CSF2RB: variants seen among roughly 807,000 people sequenced by gnomAD.
CSF2RB encodes the protein colony stimulating factor 2 receptor subunit beta.
CSF2RB carries 22 observed loss-of-function variants against 67.2 expected under a neutral mutation model. The observed-to-expected ratio is 0.33, with a 90% CI of 0.23 to 0.47. CSF2RB has a LOEUF of 0.47. Among genes scored for constraint, CSF2RB ranks in the 20% least tolerant of loss-of-function variants. The probability of loss-of-function intolerance (pLI) is 1.00; values close to 1 mark genes in which losing one functional copy is unlikely to be tolerated. For missense variants in CSF2RB, 1,113 were observed against 1,174.5 expected (o/e 0.95, Z 0.76); for synonymous variants, 507 against 482.9 (o/e 1.05, Z -0.65).
At chr22:36,920,554 A>T (rs943414228) in intron 1 of CSF2RB, among the ~76,000 whole-genome samples, 1 of 152,230 alleles carries the variant, frequency 6.6e-6, no homozygotes, top group Non-Finnish European at 1.5e-5. Context: ...AAGCCACTCC[A>T]TCTATGGTAT....
intron 8 of CSF2RB, 38 bp downstream of exon 8, chr22:36,930,868 G>A (rs746813276): frequency 3.1e-6 from 5 of 1,610,888 alleles, no homozygotes; most frequent in Admixed American, 1.7e-5. Flanking sequence ...GATGGTCTGG[G>A]ACCAGCACAC....
chr22:36,914,380 T>C (rs2145759929), intron 1 of CSF2RB, among the ~76,000 whole-genome samples: 1 of 142,788 alleles, frequency 7.0e-6, no homozygotes, highest in South Asian at 2.3e-4. Context: ...TACCAGGCAC[T>C]ATCCAGCAAT....
chr22:36,919,008 A>T (rs1940788170), intron 1 of CSF2RB, among the ~76,000 whole-genome samples: 1 of 152,256 alleles, frequency 6.6e-6, no homozygotes, highest in African/African-American at 2.4e-5. Context: ...GCCATTGAGC[A>T]GCCTTTTTTG....
rs556285139 is a variant in CSF2RB, at chr22:36,922,375, G to A, written c.76+92G>A. 2.7e-4 allele frequency: 345 copies of A among 1,265,686 alleles called. 3 individuals carry two copies. The East Asian group carries it at 7.2e-3, about 26-fold the overall frequency. The allele number at this position is 1,265,686 out of a possible 1,614,324, so 78.4% of individuals were successfully genotyped here. On this transcript the variant is annotated intron_variant, in intron 2 of 13. Transcript: ENST00000403662. ...GCAGCGTATCCTCAGGATCCTGCCC[G>A]CCAGCCCTCCTCCTGCTCCCCTCCC... is the stretch of plus-strand genomic sequence containing the variant.
intron 1 of CSF2RB, among the ~76,000 whole-genome samples, chr22:36,914,042 A>AAGAT (rs1323193746): frequency 6.6e-6 from 1 of 151,992 alleles, no homozygotes; most frequent in Non-Finnish European, 1.5e-5. Context: ...CTTTGTCACT[A>AAGAT]AGATGCTGGT....
chr22:36,929,357 C>A (rs765958619), intron 4 of CSF2RB, 45 bp from the exon 5 acceptor site: 2 of 1,613,896 alleles, frequency 1.2e-6, no homozygotes, highest in South Asian at 1.1e-5. Flanking sequence ...CTGACTGCCC[C>A]CCAGCGGTCC....
intron 1 of CSF2RB, among the ~76,000 whole-genome samples, chr22:36,914,308 C>T (rs536644992): frequency 2.6e-5 from 4 of 152,102 alleles, no homozygotes; most frequent in African/African-American, 4.8e-5. Flanking sequence ...GAGCTGGGTG[C>T]GGTGTGGCTT....
In CSF2RB at chr22:36,937,592, G is replaced by A. The variant is rs763530275; in HGVS notation, c.1784G>A (p.Gly595Glu). 4 of 1,596,700 alleles carry A rather than the reference G, an allele frequency of 2.5e-6. No homozygotes were observed. The highest frequency in any genetic ancestry group is 1.3e-5 in the African/African-American group (1 of 74,554). ...SSFDFNGPYL[G>E]PPHSRSLPDI... ...TTTGACTTCAATGGGCCCTACCTGG[G>A]GCCGCCCCACAGCCGCTCCCTACCT... is the stretch of plus-strand genomic sequence containing the variant. The change falls in exon 14 of 14, where the codon GGG (glycine) becomes GAG (glutamate). Residue 595 changes from glycine (G) to glutamate (E), a missense_variant. By Grantham distance (98) the Gly-to-Glu change is moderately conservative. Coordinates refer to ENST00000403662, the MANE Select transcript of CSF2RB (RefSeq NM_000395.3). The surrounding 1 kb of genome is among the most constrained non-coding windows in gnomAD (Gnocchi z 4.6).
At chr22:36,923,978 C>A (rs1940945991) in intron 3 of CSF2RB, among the ~76,000 whole-genome samples, 1 of 152,156 alleles carries the variant, frequency 6.6e-6, no homozygotes, top group Admixed American at 6.5e-5. Context: ...GGAAGGGGAC[C>A]AGAATCGCTC....
rs1053643488 is a variant in CSF2RB, at chr22:36,939,032, G to T, written c.*530G>T. On this transcript the variant is annotated 3_prime_UTR_variant, in exon 14 of 14. Transcript: ENST00000403662. ...CAGGTGGGCACCCGTGGGGGTTAGG[G>T]CTTGGAAGAGTGGCACAGGACTGGG... The T allele has an allele frequency of 4.6e-6, 3 of 659,168 alleles. No homozygotes were observed. The highest frequency in any genetic ancestry group is 1.8e-5 in the African/African-American group (1 of 56,670). 40.8% of individuals were successfully genotyped at this position (659,168 alleles called of 1,614,324 possible).
At position 36,933,858 on chromosome 22, in the gene CSF2RB, C is replaced by A. The variant is rs2229173; in HGVS notation, c.1179C>A (p.Asn393Lys). 1 of 1,609,936 alleles carries A rather than the reference C, an allele frequency of 6.2e-7. No individual in the cohort carries two copies. Among genetic ancestry groups the A allele is most frequent in the Admixed American group, 1.7e-5 (1 of 59,950 alleles). The change falls in exon 10 of 14, where the codon AAC becomes AAA. Residue 393 changes from asparagine (N) to lysine (K), a missense_variant. By Grantham distance (94) the Asn-to-Lys change is moderately conservative (BLOSUM62 0). Around this residue, in one of 2 missense-constraint regions of CSF2RB, gnomAD observed 559 missense variants for 656.5 expected, o/e 0.85. Transcript: ENST00000403662. Reference sequence around the variant, plus strand: ...ACAGCAAGACCGAGACCCTCCAGAACGCCCACAGCATGGCCCTGCCAGCCC... The same window carrying A: ...ACAGCAAGACCGAGACCCTCCAGAAAGCCCACAGCATGGCCCTGCCAGCCC... ...WKDSKTETLQNAHSMALPALE... is the reference protein window; with the variant it reads ...WKDSKTETLQKAHSMALPALE...
chr22:36,929,721 G>T lies in CSF2RB; in HGVS notation c.632G>T (p.Arg211Leu). The T allele has an allele frequency of 6.2e-7, 1 of 1,614,194 alleles. No homozygotes were observed. Among genetic ancestry groups the T allele is most frequent in the South Asian group, 1.1e-5 (1 of 91,086 alleles). Residue 211 changes from arginine (R) to leucine (L), a missense_variant, in exon 6 of 14, where the codon CGA (arginine) becomes CTA (leucine). Arg to Leu is a moderately radical substitution (Grantham distance 102). Transcript: ENST00000403662. ...HLMPSSTYVARVRTRLAPGSR... is the reference protein window; with the variant it reads ...HLMPSSTYVALVRTRLAPGSR... ...ATGCCCAGCAGCACCTACGTGGCCC[G>T]AGTACGGACCCGCCTGGCCCCAGGT...
intron 8 of CSF2RB, among the ~76,000 whole-genome samples, chr22:36,931,046 T>C (rs1941139013): frequency 6.6e-6 from 1 of 152,208 alleles, no homozygotes; most frequent in Non-Finnish European, 1.5e-5. Context: ...TGATCTCTTG[T>C]CCTTTTCTTC....
intron 1 of CSF2RB, among the ~76,000 whole-genome samples, chr22:36,920,150 C>T (rs774410028): frequency 5.3e-5 from 8 of 152,192 alleles, no homozygotes; most frequent in Non-Finnish European, 8.8e-5. Flanking sequence ...TTGAATAATG[C>T]CTGGCTCATG....
intron 2 of CSF2RB, chr22:36,922,852 CA>C (rs2145783269): frequency 3.1e-6 from 1 of 318,680 alleles, no homozygotes; most frequent in South Asian, 3.1e-5. Context: ...TGGGAGGTTG[CA>C]GGGTAGAACT....
rs538838689 is a variant in CSF2RB at position 36,940,368 on chromosome 22, G to T, written c.*1866G>T. The T allele has an allele frequency of 6.6e-6, 1 of 152,194 alleles. No homozygotes were observed. Among genetic ancestry groups the T allele is most frequent in the South Asian group, 2.1e-4 (1 of 4,828 alleles). The allele number at this position is 152,194 out of a possible 1,614,324, so 9.4% of individuals were successfully genotyped here. On this transcript the variant is annotated 3_prime_UTR_variant, in exon 14 of 14. Transcript: ENST00000403662. Reference sequence around the variant, plus strand: ...ACCAATGTGGATTAGAAAGAAGTCCGAGATATTAATTCCAAAATATCCAGA... The same window carrying T: ...ACCAATGTGGATTAGAAAGAAGTCCTAGATATTAATTCCAAAATATCCAGA...
chr22:36,922,781 G>T, intron 2 of CSF2RB: 2 of 286,054 alleles, frequency 7.0e-6, no homozygotes, highest in Non-Finnish European at 1.4e-5. Flanking sequence ...CTGTGATAAT[G>T]CTGGGACCAC....
At chr22:36,935,258 T>G in intron 10 of CSF2RB, 93 bp from the exon 11 acceptor site, 1 of 1,152,972 alleles carries the variant, frequency 8.7e-7, no homozygotes. Flanking sequence ...CAGAGCGGGG[T>G]CTTAAGGAAT....
At position 36,932,709 on chromosome 22, in the gene CSF2RB, A is replaced by G. The variant is rs2075936; in HGVS notation, c.1013-56A>G. 0.47 allele frequency: 747,476 copies of G among 1,589,592 alleles called. 182,991 individuals are homozygous for G. The highest frequency in any genetic ancestry group is 0.83 in the East Asian group (36,898 of 44,464). On this transcript the variant is annotated intron_variant, in intron 8 of 13. Coordinates refer to ENST00000403662, the MANE Select transcript of CSF2RB (RefSeq NM_000395.3). ...CCAGTGTCTAGCATGAGACACGGGGAATGTTCCGTTGGAGGGTGGGTATGA... is the reference window on the plus strand; with the variant it reads ...CCAGTGTCTAGCATGAGACACGGGGGATGTTCCGTTGGAGGGTGGGTATGA...
Sources: allele counts gnomAD v4.1 joint callset (sites outside exome capture counted in the v4.1 genomes callset), GRCh38; gene constraint gnomAD v4.1.1; regional missense constraint gnomAD v4.1.1; non-coding constraint Gnocchi (gnomAD v3.1); transcripts MANE v1.5; gene names NCBI Gene and HGNC (gene_info 2026-07-23, HGNC 2026-07-21).